RAPGEF6: variants seen among roughly 807,000 people sequenced by gnomAD.
RAPGEF6 encodes PDZ domain containing guanine nucleotide exchange factor (GEF) 2.
RAPGEF6 carries 56 observed loss-of-function variants against 171.4 expected under a neutral mutation model. The observed-to-expected ratio is 0.33, with a 90% CI of 0.26 to 0.41. The LOEUF is 0.41. RAPGEF6 is among the 10% of genes least tolerant of loss of function. The probability of loss-of-function intolerance (pLI) is 1.00; values close to 1 mark genes in which losing one functional copy is unlikely to be tolerated. For missense variants in RAPGEF6, 1,674 were observed against 1,921.4 expected, an observed-to-expected ratio of 0.87 and a Z score of 2.41; for synonymous variants, 692 against 650.1, an observed-to-expected ratio of 1.06 and a Z score of -0.98.
At chr5:131,552,060 A>G (rs150996501) in intron 5 of RAPGEF6, among the ~76,000 whole-genome samples, 104 of 152,242 alleles carry the variant, frequency 6.8e-4, no homozygotes, top group African/African-American at 2.3e-3. Context: ...TCTACCAGAC[A>G]GTTTCTGTCA....
intron 5 of RAPGEF6, among the ~76,000 whole-genome samples, chr5:131,550,496 A>G (rs1323729561): frequency 1.3e-5 from 2 of 152,226 alleles, no homozygotes; most frequent in East Asian, 3.8e-4. Context: ...TTGATGTCTA[A>G]TCTGCTTTGT....
chr5:131,508,566 C>G (rs575012893), intron 8 of RAPGEF6, among the ~76,000 whole-genome samples: 44 of 152,108 alleles, frequency 2.9e-4, no homozygotes, highest in Non-Finnish European at 5.9e-4. Context: ...AGTCTTTTGT[C>G]TAGTTCTTAC....
chr5:131,519,594 G>A (rs1758338975), intron 7 of RAPGEF6, among the ~76,000 whole-genome samples: 1 of 152,136 alleles, frequency 6.6e-6, no homozygotes, highest in Admixed American at 6.5e-5. Context: ...TAGAGACAGG[G>A]TTTCACCATG....
chr5:131,569,698 G>A (rs900524681), intron 4 of RAPGEF6, among the ~76,000 whole-genome samples: 2 of 152,084 alleles, frequency 1.3e-5, no homozygotes, highest in Non-Finnish European at 2.9e-5. Flanking sequence ...AAACCTTAAA[G>A]TAGATATCAT....
intron 4 of RAPGEF6, among the ~76,000 whole-genome samples, chr5:131,582,500 GA>G (rs530683198): frequency 4.0e-5 from 6 of 150,676 alleles, no homozygotes; most frequent in Non-Finnish European, 8.9e-5. Flanking sequence ...AAAACTTCCA[GA>G]AAAAAAAATT....
In RAPGEF6 at chr5:131,441,801, T is replaced by C. The variant is rs1580828103; in HGVS notation, c.3610+548A>G. Among the ~76,000 whole-genome samples, 3 of 152,250 alleles carry C rather than the reference T, an allele frequency of 2.0e-5. No individual in the cohort carries two copies. In the South Asian group the frequency reaches 6.2e-4, roughly 32 times the overall value. On this transcript the variant is annotated intron_variant, in intron 23 of 27. Transcript: ENST00000509018. ...AAGTAATCATGCTAGGAACCAAATC[T>C]AATCTAGGTTCTCATCTAAAAGGCT...
At chr5:131,464,337 C>T in intron 17 of RAPGEF6, 56 bp from the exon 18 acceptor site, 1 of 1,400,742 alleles carries the variant, frequency 7.1e-7, no homozygotes, top group East Asian at 2.3e-5. Context: ...CTTTTAAACC[C>T]TTCAAAAAGC....
intron 18 of RAPGEF6, among the ~76,000 whole-genome samples, 199 bp from the exon 19 acceptor site, chr5:131,462,287 A>T (rs1753988755): frequency 6.6e-6 from 1 of 152,224 alleles, no homozygotes; most frequent in Admixed American, 6.5e-5. Flanking sequence ...ACCAACTGGC[A>T]TCTATTAAAG....
rs137885996 is a variant in RAPGEF6 at position 131,629,948 on chromosome 5, C to A, written c.69+5014G>T. 2.0e-3 allele frequency among the ~76,000 whole-genome samples: 308 copies of A among 152,136 alleles called. 1 individual carries two copies. Among genetic ancestry groups the A allele is most frequent in the African/African-American group, 7.1e-3 (295 of 41,490 alleles). On this transcript the variant is annotated intron_variant, in intron 1 of 27. Transcript: ENST00000509018. The stretch of plus-strand genomic sequence containing the variant: ...GATGATGTACATATTGTTCAAATGA[C>A]AACAAAGAATTTAGAATACCACATA...
chr5:131,523,958 T>C (rs965759599), intron 6 of RAPGEF6, among the ~76,000 whole-genome samples: 1 of 152,072 alleles, frequency 6.6e-6, no homozygotes, highest in Non-Finnish European at 1.5e-5. Context: ...CAGAAGCAAT[T>C]AAACTGACAG....
At chr5:131,600,824 T>C (rs1306090481) in intron 3 of RAPGEF6, among the ~76,000 whole-genome samples, 1 of 151,974 alleles carries the variant, frequency 6.6e-6, no homozygotes, top group Non-Finnish European at 1.5e-5. Flanking sequence ...CACCAAACTT[T>C]TGGAGGAGAA....
intron 2 of RAPGEF6, among the ~76,000 whole-genome samples, chr5:131,603,585 A>C (rs1764380936): frequency 6.6e-6 from 1 of 152,098 alleles, no homozygotes; most frequent in Admixed American, 6.5e-5. Flanking sequence ...AAAATCTGTC[A>C]GTTCACACCA....
In RAPGEF6 at chr5:131,592,460, T is replaced by C. The variant is rs748184778; in HGVS notation, c.204A>G (p.Glu68=). The C allele has an allele frequency of 3.1e-6, 5 of 1,613,138 alleles. No homozygotes were observed. The East Asian group carries it at 1.1e-4, about 36-fold the overall frequency. ...YSGNQVLFCS[E]TIARCWYILL... ...GGATATACCAACATCTGGCAATCGT[T>C]TCTGAACTGTTTAAATAAATAAGTA... The change falls in exon 4 of 28, where the codon GAA becomes GAG. Residue 68 remains glutamate (E), a synonymous_variant. Transcript: ENST00000509018.
intron 17 of RAPGEF6, 93 bp from the exon 18 acceptor site, chr5:131,464,374 A>AT: frequency 2.3e-6 from 2 of 873,630 alleles, no homozygotes; most frequent in Non-Finnish European, 3.7e-6. Context: ...ATCCCTCTGA[A>AT]CACTGAAATA....
At chr5:131,439,286 G>C (rs1280292944) in intron 24 of RAPGEF6, among the ~76,000 whole-genome samples, 2 of 152,146 alleles carry the variant, frequency 1.3e-5, no homozygotes, top group African/African-American at 4.8e-5. Context: ...TAGGAAACTG[G>C]AATGATAACA....
chr5:131,500,231 G>A (rs914620907), intron 11 of RAPGEF6, among the ~76,000 whole-genome samples: 4 of 152,106 alleles, frequency 2.6e-5, no homozygotes, highest in Non-Finnish European at 4.4e-5. Flanking sequence ...TACGAAAATC[G>A]TTTCTCTAGA....
Position 131,439,584 on chromosome 5 carries a change from T to C in RAPGEF6, c.3742A>G (p.Lys1248Glu). The C allele has an allele frequency of 1.9e-6, 3 of 1,609,780 alleles. No individual in the cohort carries two copies. Among genetic ancestry groups the C allele is most frequent in the Non-Finnish European group, 2.5e-6 (3 of 1,177,744 alleles). The change falls in exon 24 of 28, where the codon AAA becomes GAA. Residue 1248 changes from lysine to glutamate, a missense_variant. Physicochemically the swap from Lys to Glu is moderately conservative, Grantham distance 56. Transcript: ENST00000509018. ...AGTTTGAAATGTTTTGTCTTACCTTTGTGAGGGGAGCCTTGAGGAGATGCA... is the reference window on the plus strand; with the variant it reads ...AGTTTGAAATGTTTTGTCTTACCTTCGTGAGGGGAGCCTTGAGGAGATGCA... ...PPASPQGSPHKGYTLIPSAKS... is the reference protein window; with the variant it reads ...PPASPQGSPHEGYTLIPSAKS...
chr5:131,483,691 T>TACTTTCA (rs1443926230), intron 15 of RAPGEF6, among the ~76,000 whole-genome samples: 1 of 151,960 alleles, frequency 6.6e-6, no homozygotes, highest in African/African-American at 2.4e-5. Flanking sequence ...TTAGGGAAAA[T>TACTTTCA]ACTTTCAACT....
chr5:131,447,952 A>G (rs1048233350), intron 21 of RAPGEF6, among the ~76,000 whole-genome samples: 13 of 152,360 alleles, frequency 8.5e-5, no homozygotes, highest in African/African-American at 2.6e-4. Context: ...AGAAAATCCA[A>G]AGCCATTAGT....
Sources: allele counts gnomAD v4.1 joint callset (sites outside exome capture counted in the v4.1 genomes callset), GRCh38; gene constraint gnomAD v4.1.1; transcripts MANE v1.5; gene names NCBI Gene and HGNC (gene_info 2026-07-23, HGNC 2026-07-21).